MAMDC2: variants seen among roughly 807,000 people sequenced by gnomAD.
MAMDC2 encodes MAM domain containing 2.
In MAMDC2, 57 loss-of-function variants were observed where a neutral mutation model predicts 89.8. The observed-to-expected ratio is 0.63, with a 90% CI of 0.51 to 0.79. The LOEUF (loss-of-function observed/expected upper bound fraction) is 0.79, where lower values mean the gene tolerates loss of function less well. MAMDC2 is among the 30% of genes least tolerant of loss of function. MAMDC2 has a pLI of 0.00. For missense variants in MAMDC2, 800 were observed against 820.6 expected (o/e 0.97, Z 0.31); for synonymous variants, 313 against 293.4 (o/e 1.07, Z -0.68).
At chr9:70,176,256 T>C (rs761685554) in intron 11 of MAMDC2, among the ~76,000 whole-genome samples, 4 of 152,220 alleles carry the variant, frequency 2.6e-5, no homozygotes, top group African/African-American at 4.8e-5. Flanking sequence ...AAAGCACATA[T>C]AGTAGATATT....
chr9:70,059,601 C>A (rs1281694986), intron 2 of MAMDC2, among the ~76,000 whole-genome samples: 1 of 152,120 alleles, frequency 6.6e-6, no homozygotes, highest in Non-Finnish European at 1.5e-5. Context: ...ATCACAAAAC[C>A]AACGCCATGT....
chr9:70,150,388 G>C (rs2031545320), intron 9 of MAMDC2, among the ~76,000 whole-genome samples: 1 of 152,144 alleles, frequency 6.6e-6, no homozygotes, highest in African/African-American at 2.4e-5. Context: ...CAGTTTAACA[G>C]ATTTTTCTGA....
At chr9:70,081,916 C>T (rs1827662215) in intron 2 of MAMDC2, 1 of 152,046 alleles carries the variant, frequency 6.6e-6, no homozygotes, top group South Asian at 2.1e-4. Context: ...TAACCAATTA[C>T]AATCAAATCA....
chr9:70,100,865 T>A, intron 2 of MAMDC2, among the ~76,000 whole-genome samples: 1 of 152,222 alleles, frequency 6.6e-6, no homozygotes, highest in East Asian at 1.9e-4. Context: ...TGGAAAAAAG[T>A]AAGAAGGCAA....
chr9:70,065,158 C>T (rs778364555), intron 2 of MAMDC2, among the ~76,000 whole-genome samples: 4 of 152,124 alleles, frequency 2.6e-5, no homozygotes, highest in Non-Finnish European at 4.4e-5. Flanking sequence ...CCATGTGTAT[C>T]GGTTTTCTAA....
chr9:70,090,637 A>G (rs2118174290), intron 2 of MAMDC2: 1 of 152,294 alleles, frequency 6.6e-6, no homozygotes, highest in East Asian at 1.9e-4. Context: ...AAAGTGCTCT[A>G]ATACATTGTT....
At chr9:70,156,440 AT>A (rs141218662) in intron 9 of MAMDC2, among the ~76,000 whole-genome samples, 7,109 of 152,290 alleles carry the variant, frequency 0.047, 199 homozygotes, top group South Asian at 0.073. Context: ...CAGAAAACCA[AT>A]GTGTAGACAA....
In MAMDC2 at chr9:70,133,816, A is replaced by T. The variant is rs543528142; in HGVS notation, c.994+2204A>T. On this transcript the variant is annotated intron_variant, in intron 7 of 13. Coordinates refer to ENST00000377182, the MANE Select transcript of MAMDC2 (RefSeq NM_153267.5). ...GCTTCATCATGAGACAGTATTATTT[A>T]CTTTATTTTCAAAATATGACCACCC... Among the ~76,000 whole-genome samples, 14 of 152,304 alleles carry T rather than the reference A, an allele frequency of 9.2e-5. No individual in the cohort carries two copies. In the East Asian group the frequency reaches 2.7e-3, roughly 29 times the overall value.
intron 5 of MAMDC2, among the ~76,000 whole-genome samples, chr9:70,120,096 G>A (rs1332823084): frequency 6.6e-6 from 1 of 152,196 alleles, no homozygotes; most frequent in African/African-American, 2.4e-5. Context: ...GTCCTTTTAA[G>A]GTACTGTAGC....
chr9:70,186,530 A>G (rs747555487), intron 11 of MAMDC2, among the ~76,000 whole-genome samples: 15 of 152,006 alleles, frequency 9.9e-5, no homozygotes, highest in Non-Finnish European at 1.6e-4. Flanking sequence ...CAGTCCTAAA[A>G]TTGTTTTTTG....
At chr9:70,074,669 G>C (rs764975468) in intron 2 of MAMDC2, among the ~76,000 whole-genome samples, 1 of 152,234 alleles carries the variant, frequency 6.6e-6, no homozygotes, top group Non-Finnish European at 1.5e-5. Context: ...GTGTTTCACT[G>C]AGTCGCCAAA....
chr9:70,164,894 C>T (rs2032114910), intron 9 of MAMDC2, among the ~76,000 whole-genome samples: 1 of 151,234 alleles, frequency 6.6e-6, no homozygotes, highest in Admixed American at 6.6e-5. Flanking sequence ...ACTGTCTCAG[C>T]CTCCCAAAGT....
chr9:70,102,925 G>A (rs1828233520), intron 2 of MAMDC2, among the ~76,000 whole-genome samples: 1 of 152,122 alleles, frequency 6.6e-6, no homozygotes, highest in African/African-American at 2.4e-5. Flanking sequence ...ATCCCCCTGT[G>A]ATTTCTGCCC....
intron 5 of MAMDC2, among the ~76,000 whole-genome samples, chr9:70,121,898 C>A (rs1169368127): frequency 6.6e-6 from 1 of 152,164 alleles, no homozygotes; most frequent in African/African-American, 2.4e-5. Context: ...ATGGCACCTG[C>A]AGCCACCTAC....
At chr9:70,218,973 C>T (rs2033502389) in intron 12 of MAMDC2, among the ~76,000 whole-genome samples, 1 of 152,114 alleles carries the variant, frequency 6.6e-6, no homozygotes, top group Admixed American at 6.6e-5. Flanking sequence ...CATCATTACT[C>T]ACATACATCT....
intron 2 of MAMDC2, among the ~76,000 whole-genome samples, chr9:70,077,098 C>G (rs1040369811): frequency 6.6e-6 from 1 of 152,178 alleles, no homozygotes; most frequent in East Asian, 1.9e-4. Flanking sequence ...CTGTCATCTT[C>G]CTGTGTTTGG....
At chr9:70,055,479 T>C (rs1178163159) in intron 2 of MAMDC2, among the ~76,000 whole-genome samples, 1 of 152,148 alleles carries the variant, frequency 6.6e-6, no homozygotes, top group Non-Finnish European at 1.5e-5. Context: ...GATGATGCTT[T>C]TGTTATTCCA....
intron 2 of MAMDC2, among the ~76,000 whole-genome samples, chr9:70,093,273 C>T (rs1198811177): frequency 1.3e-5 from 2 of 152,154 alleles, no homozygotes; most frequent in East Asian, 3.9e-4. Flanking sequence ...GGTAAGATAG[C>T]ATCTCTTGTC....
intron 5 of MAMDC2, among the ~76,000 whole-genome samples, chr9:70,115,506 C>T (rs572894979): frequency 3.9e-5 from 6 of 152,270 alleles, no homozygotes; most frequent in Admixed American, 2.0e-4. Flanking sequence ...CAGACACCCA[C>T]CACTTTGTCC....
Sources: gnomAD v4.1 joint callset for allele counts (sites outside exome capture counted in the v4.1 genomes callset) on GRCh38, gnomAD v4.1.1 for gene constraint, MANE v1.5 for transcripts, NCBI Gene and HGNC (gene_info 2026-07-23, HGNC 2026-07-21) for gene names.